Variants in POLN observed in about 807,000 individuals in gnomAD.
POLN encodes DNA polymerase nu.
Under a neutral mutation model 113.5 loss-of-function variants are expected in POLN, and 108 were observed. That is an observed-to-expected ratio of 0.95 (90% CI 0.81 to 1.12). The LOEUF is 1.12. Ranked by LOEUF, POLN falls within the 50% of genes most tolerant of loss-of-function variation. The probability of loss-of-function intolerance (pLI) is 0.00; values close to 1 mark genes in which losing one functional copy is unlikely to be tolerated. For missense variants in POLN, 1,097 were observed against 1,077.1 expected, an observed-to-expected ratio of 1.02 and a Z score of -0.26; for synonymous variants, 386 against 391.5, an observed-to-expected ratio of 0.99 and a Z score of 0.17.
intron 19 of POLN, among the ~76,000 whole-genome samples, chr4:2,110,454 G>C: frequency 6.6e-6 from 1 of 152,130 alleles, no homozygotes; most frequent in Non-Finnish European, 1.5e-5. Flanking sequence ...TCCAGGACCT[G>C]GTTTTTCGAA....
At position 2,093,340 on chromosome 4, in the gene POLN, T is replaced by C. The variant is rs1730710093; in HGVS notation, c.2065+2511A>G. 2.0e-5 allele frequency among the ~76,000 whole-genome samples: 3 copies of C among 152,206 alleles called. No individual in the cohort carries two copies. Among genetic ancestry groups the C allele is most frequent in the Admixed American group, 2.0e-4 (3 of 15,286 alleles). ...TGCTCAGTCACTTGGAGGCATTTAC[T>C]GACATGGCACAGAAGTGAAGTAGGA... On this transcript the variant is annotated intron_variant, in intron 20 of 25. Coordinates refer to ENST00000511885, the MANE Select transcript of POLN (RefSeq NM_181808.4). This position sits in a 1 kb window ranked among gnomAD's most constrained non-coding sequence, Gnocchi z 4.1.
At chr4:2,139,074 A>G (rs924118807) in intron 16 of POLN, among the ~76,000 whole-genome samples, 1 of 152,040 alleles carries the variant, frequency 6.6e-6, no homozygotes, top group Non-Finnish European at 1.5e-5. Context: ...AAGGATGAGC[A>G]CCCTTGACCA....
chr4:2,228,805 A>G (rs181855947), intron 3 of POLN: 36 of 286,464 alleles, frequency 1.3e-4, no homozygotes, highest in Admixed American at 3.0e-4. Flanking sequence ...TGATGACCTG[A>G]GAACCAAGAT....
intron 19 of POLN, among the ~76,000 whole-genome samples, chr4:2,103,563 T>C (rs1730980599): frequency 2.6e-5 from 4 of 152,344 alleles, no homozygotes; most frequent in South Asian, 4.1e-4. Flanking sequence ...GAAAAATTCC[T>C]GTCTAGCAAG....
intron 20 of POLN, among the ~76,000 whole-genome samples, chr4:2,094,188 A>C (rs1730728363): frequency 6.6e-6 from 1 of 151,936 alleles, no homozygotes; most frequent in South Asian, 2.1e-4. Context: ...CTCTACTAAA[A>C]ATACAAAAAT....
rs891224436 is a variant in POLN at position 2,156,862 on chromosome 4, G to C, written c.1666-9C>G. 6.2e-7 allele frequency: 1 copy of C among 1,605,572 alleles called. No homozygotes were observed. The highest frequency in any genetic ancestry group is 1.3e-5 in the African/African-American group (1 of 74,720). ...GTAGAGGAAATGGAGCCCTTTATTA[G>C]TTAAAAAGAATCAGTGTAAACTCCA... On this transcript the variant is annotated splice_polypyrimidine_tract_variant and intron_variant, in intron 15 of 25. Coordinates refer to ENST00000511885, the MANE Select transcript of POLN (RefSeq NM_181808.4).
intron 16 of POLN, among the ~76,000 whole-genome samples, chr4:2,132,159 G>T (rs941088391): frequency 6.6e-6 from 1 of 152,050 alleles, no homozygotes; most frequent in Non-Finnish European, 1.5e-5. Context: ...TAAGTCAGTG[G>T]CTCTCAAGTT....
chr4:2,208,984 G>A (rs916756826), intron 4 of POLN, among the ~76,000 whole-genome samples: 102 of 151,296 alleles, frequency 6.7e-4, no homozygotes, highest in African/African-American at 2.4e-3. Flanking sequence ...GCGAAACTCT[G>A]TCTCGAAAAA....
intron 16 of POLN, among the ~76,000 whole-genome samples, chr4:2,152,670 T>C (rs753742148): frequency 1.3e-5 from 2 of 151,846 alleles, no homozygotes; most frequent in Non-Finnish European, 2.9e-5. Context: ...TTTTCTTAAA[T>C]AGTGTGCAGC....
At chr4:2,234,902 T>C (rs932865985) in intron 2 of POLN, among the ~76,000 whole-genome samples, 10 of 152,344 alleles carry the variant, frequency 6.6e-5, no homozygotes, top group Admixed American at 5.2e-4. Flanking sequence ...TTCTTCTTTT[T>C]TGACACCAAG....
In POLN at chr4:2,235,294, T is replaced by C. The variant is rs148061261; in HGVS notation, c.-12-6051A>G. Among the ~76,000 whole-genome samples the C allele has an allele frequency of 2.8e-3, 432 of 152,304 alleles. 2 individuals carry two copies. The highest frequency in any genetic ancestry group is 9.6e-3 in the African/African-American group (399 of 41,570). On this transcript the variant is annotated intron_variant, in intron 2 of 25. Coordinates refer to ENST00000511885, the MANE Select transcript of POLN (RefSeq NM_181808.4). ...AGATCAAGAAGACAAAAATCAGTAA[T>C]GGGAGACCTTTCAAAAAACAAATCA...
chr4:2,079,291 T>C, intron 23 of POLN: 1 of 544,608 alleles, frequency 1.8e-6, no homozygotes, highest in Non-Finnish European at 2.3e-6. Flanking sequence ...TGGCTTTCAG[T>C]TCCTGCCAAG....
intron 5 of POLN, 109 bp from the exon 6 acceptor site, chr4:2,198,826 T>C (rs1428784144): frequency 1.9e-6 from 2 of 1,049,226 alleles, no homozygotes; most frequent in Non-Finnish European, 2.7e-6. Flanking sequence ...AAATTAAACT[T>C]GTAAATGAAT....
chr4:2,160,913 C>A (rs975497770), intron 13 of POLN, among the ~76,000 whole-genome samples: 3 of 152,184 alleles, frequency 2.0e-5, no homozygotes, highest in South Asian at 2.1e-4. Context: ...ACACAATTCA[C>A]CTGGAATTTA....
intron 16 of POLN, among the ~76,000 whole-genome samples, chr4:2,132,688 G>A (rs1034820812): frequency 1.3e-5 from 2 of 152,326 alleles, no homozygotes; most frequent in Middle Eastern, 3.4e-3. Flanking sequence ...AGACAATGGA[G>A]CCACAACTTC....
At chr4:2,101,654 C>A (rs906110807) in intron 19 of POLN, among the ~76,000 whole-genome samples, 2 of 152,222 alleles carry the variant, frequency 1.3e-5, no homozygotes, top group African/African-American at 4.8e-5. Flanking sequence ...CATTCTTGGT[C>A]CTAGCTTTTA....
chr4:2,233,562 G>A (rs972819811), intron 2 of POLN, among the ~76,000 whole-genome samples: 20 of 152,028 alleles, frequency 1.3e-4, no homozygotes, highest in African/African-American at 4.6e-4. Flanking sequence ...TACACAGTGT[G>A]GAAAATTACA....
intron 5 of POLN, among the ~76,000 whole-genome samples, chr4:2,201,330 G>A (rs1448636064): frequency 4.9e-5 from 3 of 60,834 alleles, no homozygotes; most frequent in African/African-American, 6.6e-5. Flanking sequence ...CAATGAAATA[G>A]ATATAGATGG....
chr4:2,220,173 C>G (rs1448859974), intron 3 of POLN, among the ~76,000 whole-genome samples: 1 of 152,190 alleles, frequency 6.6e-6, no homozygotes, highest in Non-Finnish European at 1.5e-5. Context: ...CCTTTGCCAC[C>G]TGGCACGATG....
Sources: allele counts gnomAD v4.1 joint callset (sites outside exome capture counted in the v4.1 genomes callset), GRCh38; gene constraint gnomAD v4.1.1; non-coding constraint Gnocchi (gnomAD v3.1); transcripts MANE v1.5; gene names NCBI Gene and HGNC (gene_info 2026-07-23, HGNC 2026-07-21).